Variants in PEX13 observed in about 807,000 individuals in gnomAD.
PEX13 encodes the protein peroxisomal biogenesis factor 13, also known as peroxisome biogenesis factor 13.
PEX13 carries 28 observed loss-of-function variants against 34.5 expected under a neutral mutation model. The ratio of observed to expected loss-of-function variants is 0.81; its 90% CI spans 0.60 to 1.11. PEX13 has a LOEUF of 1.11. Among genes scored for constraint, PEX13 ranks in the 50% most tolerant of loss-of-function variants. PEX13 has a pLI of 0.00. For synonymous variants in PEX13, 177 were observed against 175.1 expected (o/e 1.01, Z -0.09); for missense variants, 550 against 491.0 (o/e 1.12, Z -1.13).
At chr2:61,041,942 G>A (rs1680632018) in intron 2 of PEX13, among the ~76,000 whole-genome samples, 2 of 152,146 alleles carry the variant, frequency 1.3e-5, no homozygotes, top group Admixed American at 6.5e-5. Context: ...AGAGGAAATC[G>A]GTAATGATAC....
chr2:61,018,696 GA>G (rs1680171320), intron 1 of PEX13: 1 of 154,604 alleles, frequency 6.5e-6, no homozygotes, highest in Non-Finnish European at 1.4e-5. Context: ...GCTGTATTCT[GA>G]AATCTTTTAT....
chr2:61,027,687 T>A (rs1051500095), intron 1 of PEX13, among the ~76,000 whole-genome samples: 1 of 152,206 alleles, frequency 6.6e-6, no homozygotes, highest in African/African-American at 2.4e-5. Context: ...GCTTCAGCCC[T>A]CCTTACCATT....
chr2:61,039,234 G>GA (rs1170377382), intron 2 of PEX13, among the ~76,000 whole-genome samples: 8 of 152,008 alleles, frequency 5.3e-5, no homozygotes, highest in Admixed American at 5.3e-4. Flanking sequence ...CACAGAATTG[G>GA]AAAAAACTAC....
At chr2:61,018,294 C>T in intron 1 of PEX13, 2 of 1,550,080 alleles carry the variant, frequency 1.3e-6, no homozygotes, top group Non-Finnish European at 1.7e-6. Context: ...TGCTGAAAGC[C>T]GGAAAGGTTT....
chr2:61,046,285 T>A (rs1680703663), intron 3 of PEX13, among the ~76,000 whole-genome samples: 1 of 152,210 alleles, frequency 6.6e-6, no homozygotes, highest in South Asian at 2.1e-4. Context: ...ATCATAAGTA[T>A]TTTAGGAAAT....
At chr2:61,024,848 A>G (rs1053715892) in intron 1 of PEX13, among the ~76,000 whole-genome samples, 1 of 152,166 alleles carries the variant, frequency 6.6e-6, no homozygotes, top group Non-Finnish European at 1.5e-5. Context: ...CATTGAGTTC[A>G]TAATTTCAGG....
At chr2:61,032,173 T>G (rs898613422) in intron 2 of PEX13, 60 bp downstream of exon 2, 4 of 1,170,634 alleles carry the variant, frequency 3.4e-6, no homozygotes, top group Admixed American at 3.8e-5. Flanking sequence ...ATTTCAAGAA[T>G]AGATTTGTTA....
chr2:61,040,180 G>A (rs959146416), intron 2 of PEX13, among the ~76,000 whole-genome samples: 3 of 152,144 alleles, frequency 2.0e-5, no homozygotes, highest in Admixed American at 1.3e-4. Flanking sequence ...ACAGTGTGGC[G>A]ATTCCTCAAG....
In PEX13 at chr2:61,027,353, CAAAA is replaced by C. The variant is rs1406227333; in HGVS notation, c.93-4065_93-4062del. The stretch of plus-strand genomic sequence containing the variant: ...GACTCTGTCTCAAAAAAAAAAAAAA[CAAAA>C]CACACACACACACACAAAAACAGCG... On this transcript the variant is annotated intron_variant, in intron 1 of 3. Coordinates refer to ENST00000295030, the MANE Select transcript of PEX13 (RefSeq NM_002618.4). 3.6e-5 allele frequency among the ~76,000 whole-genome samples: 5 copies of C among 138,634 alleles called. No homozygotes were observed. In the South Asian group the frequency reaches 8.7e-4, roughly 24 times the overall value. The allele number at this position is 138,634 out of a possible 152,430, so 90.9% of individuals were successfully genotyped here. A position where few individuals can be genotyped will look rare whatever the true frequency, so the allele number is the denominator to read the frequency against.
chr2:61,034,598 C>T (rs1040743829), intron 2 of PEX13, among the ~76,000 whole-genome samples: 1 of 152,232 alleles, frequency 6.6e-6, no homozygotes, highest in Non-Finnish European at 1.5e-5. Flanking sequence ...TGGTACACTC[C>T]TGCCCAAATA....
chr2:61,026,803 T>G (rs1680364827), intron 1 of PEX13, among the ~76,000 whole-genome samples: 1 of 152,236 alleles, frequency 6.6e-6, no homozygotes, highest in South Asian at 2.1e-4. Context: ...AAAATTAGTT[T>G]TTTTAAATTG....
intron 3 of PEX13, among the ~76,000 whole-genome samples, chr2:61,047,434 G>A (rs2104813855): frequency 6.6e-6 from 1 of 152,264 alleles, no homozygotes; most frequent in Middle Eastern, 3.4e-3. Flanking sequence ...AATTACAGAT[G>A]TGTACCACCA....
intron 2 of PEX13, among the ~76,000 whole-genome samples, chr2:61,038,933 A>G (rs1045310981): frequency 3.9e-5 from 6 of 152,224 alleles, no homozygotes; most frequent in African/African-American, 1.4e-4. Context: ...TCAGTGTGCA[A>G]AAATCACAAG....
At chr2:61,048,361 A>G (rs1417445361) in intron 3 of PEX13, 111 bp from the exon 4 acceptor site, 2 of 850,416 alleles carry the variant, frequency 2.4e-6, no homozygotes, top group Non-Finnish European at 2.0e-6. Flanking sequence ...ACTATTTGTT[A>G]TCTACTATGT....
At chr2:61,036,772 C>T (rs140714827) in intron 2 of PEX13, among the ~76,000 whole-genome samples, 1 of 152,178 alleles carries the variant, frequency 6.6e-6, no homozygotes, top group Non-Finnish European at 1.5e-5. Context: ...CAGATTCACA[C>T]ATAACAATGT....
intron 1 of PEX13, among the ~76,000 whole-genome samples, chr2:61,022,152 C>T (rs545754647): frequency 5.3e-5 from 8 of 152,286 alleles, no homozygotes; most frequent in South Asian, 2.1e-4. Flanking sequence ...TTGCCAGCAA[C>T]GGAACAAAGC....
chr2:61,028,647 A>G (rs926473245), intron 1 of PEX13, among the ~76,000 whole-genome samples: 2 of 151,916 alleles, frequency 1.3e-5, no homozygotes, highest in African/African-American at 4.8e-5. Context: ...TCAGCCTCCC[A>G]AAGTGCTGGG....
Position 61,051,757 on chromosome 2 carries a change from TTA to T in PEX13, c.*2989_*2990del, listed in dbSNP as rs886056210. ...TTCTTTTAATTTTTCTGATTATATT[TTA>T]TGAGTTCAGAAAGGAAATGGTAAAA... is the stretch of plus-strand genomic sequence containing the variant. On this transcript the variant is annotated 3_prime_UTR_variant, in exon 4 of 4. Transcript: ENST00000295030. 2.7e-4 allele frequency: 41 copies of T among 152,430 alleles called. No individual in the cohort carries two copies. Among genetic ancestry groups the T allele is most frequent in the Admixed American group, 5.9e-4 (9 of 15,298 alleles). The allele number at this position is 152,430 out of a possible 1,614,324, so 9.4% of individuals were successfully genotyped here.
intron 3 of PEX13, among the ~76,000 whole-genome samples, chr2:61,047,194 T>C (rs916237056): frequency 3.3e-5 from 5 of 152,284 alleles, no homozygotes; most frequent in African/African-American, 1.2e-4. Flanking sequence ...CTAGCTCTGT[T>C]GCTCAGGCTC....
Sources: allele counts gnomAD v4.1 joint callset (sites outside exome capture counted in the v4.1 genomes callset), GRCh38; gene constraint gnomAD v4.1.1; transcripts MANE v1.5; gene names NCBI Gene and HGNC (gene_info 2026-07-23, HGNC 2026-07-21).